NR2F1-AS1: variants seen among roughly 807,000 people sequenced by gnomAD.
NR2F1-AS1 encodes the protein NR2F1 regulatory antisense RNA 1, also known as NR2F1 antisense RNA 1.
intron 4 of NR2F1-AS1, among the ~76,000 whole-genome samples, chr5:93,533,351 G>A (rs1751771935): frequency 6.6e-6 from 1 of 151,904 alleles, no homozygotes; most frequent in South Asian, 2.1e-4. Flanking sequence ...GAATTTCCTA[G>A]CCGCACTCAA....
At chr5:93,545,111 G>A (rs926938160) in intron 4 of NR2F1-AS1, among the ~76,000 whole-genome samples, 7 of 152,042 alleles carry the variant, frequency 4.6e-5, no homozygotes, top group Non-Finnish European at 7.4e-5. Context: ...AGTTTAGCAG[G>A]GCCAGAAGCA....
intron 4 of NR2F1-AS1, among the ~76,000 whole-genome samples, chr5:93,474,085 A>G (rs189964008): frequency 6.6e-6 from 1 of 152,176 alleles, no homozygotes; most frequent in African/African-American, 2.4e-5. Context: ...AGGATTAACT[A>G]AATCAGTTGA....
intron 4 of NR2F1-AS1, among the ~76,000 whole-genome samples, chr5:93,494,711 T>C (rs972339716): frequency 2.6e-5 from 4 of 152,184 alleles, no homozygotes; most frequent in African/African-American, 9.7e-5. Flanking sequence ...GAAAACAGTT[T>C]GGCTGTTCCT....
At chr5:93,556,551 A>C (rs1373759899) in intron 2 of NR2F1-AS1, among the ~76,000 whole-genome samples, 1 of 152,190 alleles carries the variant, frequency 6.6e-6, no homozygotes, top group Non-Finnish European at 1.5e-5. Flanking sequence ...TGGAGACAGG[A>C]TCTTTGCAAA....
chr5:93,562,503 A>G (rs1026488201), intron 2 of NR2F1-AS1, among the ~76,000 whole-genome samples: 2 of 152,150 alleles, frequency 1.3e-5, no homozygotes, highest in Non-Finnish European at 2.9e-5. Context: ...CATGTTGCCC[A>G]GGCTAGTCTC....
chr5:93,480,190 C>T (rs1343131774), intron 4 of NR2F1-AS1, among the ~76,000 whole-genome samples: 1 of 142,200 alleles, frequency 7.0e-6, no homozygotes, highest in Non-Finnish European at 1.6e-5. Context: ...GCAAGACAAA[C>T]TCAATGAGAT....
intron 4 of NR2F1-AS1, chr5:93,544,810 C>G (rs1752038656): frequency 6.6e-6 from 1 of 151,100 alleles, no homozygotes; most frequent in South Asian, 2.1e-4. Context: ...ATCCCAGCTA[C>G]TCAGGAGGCT....
chr5:93,465,029 C>G (rs141380626), intron 4 of NR2F1-AS1, among the ~76,000 whole-genome samples: 6 of 152,128 alleles, frequency 3.9e-5, no homozygotes, highest in Non-Finnish European at 8.8e-5. Context: ...CCTAAGAATT[C>G]TCCTGACACC....
intron 4 of NR2F1-AS1, among the ~76,000 whole-genome samples, chr5:93,435,531 T>C (rs1349827365): frequency 6.6e-6 from 1 of 152,200 alleles, no homozygotes; most frequent in Non-Finnish European, 1.5e-5. Context: ...GAGAAGACAA[T>C]AAATGATAGT....
intron 4 of NR2F1-AS1, among the ~76,000 whole-genome samples, chr5:93,483,848 T>C (rs1356568676): frequency 6.6e-6 from 1 of 152,126 alleles, no homozygotes; most frequent in Non-Finnish European, 1.5e-5. Flanking sequence ...AGAAAGGATA[T>C]CAGAGATTGA....
intron 4 of NR2F1-AS1, among the ~76,000 whole-genome samples, chr5:93,420,964 A>G (rs926378809): frequency 3.9e-5 from 6 of 152,216 alleles, no homozygotes; most frequent in African/African-American, 1.4e-4. Context: ...TAGTATTGAT[A>G]TGTACATACT....
chr5:93,523,303 C>T (rs895567875), intron 4 of NR2F1-AS1, among the ~76,000 whole-genome samples: 1 of 152,186 alleles, frequency 6.6e-6, no homozygotes, highest in African/African-American at 2.4e-5. Flanking sequence ...TTCTGGATTC[C>T]TCCTCTCTGG....
chr5:93,443,099 G>A (rs1412130545), intron 4 of NR2F1-AS1, among the ~76,000 whole-genome samples: 2 of 152,228 alleles, frequency 1.3e-5, no homozygotes, highest in Non-Finnish European at 2.9e-5. Flanking sequence ...AGAAACCAGA[G>A]CAGAAAAGCT....
chr5:93,461,407 A>ATGATCTGTGCAGC (rs1273589527), intron 4 of NR2F1-AS1, among the ~76,000 whole-genome samples: 4 of 152,164 alleles, frequency 2.6e-5, no homozygotes, highest in African/African-American at 9.7e-5. Flanking sequence ...AGATGATGGG[A>ATGATCTGTGCAGC]TGATCTGTGC....
intron 2 of NR2F1-AS1, among the ~76,000 whole-genome samples, chr5:93,561,097 A>C (rs1752477140): frequency 6.6e-6 from 1 of 152,084 alleles, no homozygotes; most frequent in Non-Finnish European, 1.5e-5. Flanking sequence ...AACATGGAGA[A>C]ACTCCATCTC....
intron 4 of NR2F1-AS1, among the ~76,000 whole-genome samples, chr5:93,478,311 T>A (rs1456920329): frequency 6.6e-6 from 1 of 152,244 alleles, no homozygotes; most frequent in Non-Finnish European, 1.5e-5. Flanking sequence ...ATCAACATGA[T>A]CTGTCAATCC....
chr5:93,567,061 T>C (rs1487380750), intron 1 of NR2F1-AS1, among the ~76,000 whole-genome samples: 2 of 144,730 alleles, frequency 1.4e-5, no homozygotes, highest in Non-Finnish European at 3.0e-5. Context: ...TAAACAGTTC[T>C]ATTTCTATCA....
upstream of NR2F1-AS1, among the ~76,000 whole-genome samples, chr5:93,581,733 TCC>T (rs1230036471): frequency 3.9e-3 from 131 of 33,282 alleles, 10 homozygotes; most frequent in African/African-American, 0.019. Context: ...TCTCTCTCTC[TCC>T]CCCTCTCCCT....
At chr5:93,533,187 T>A (rs1359604244) in intron 4 of NR2F1-AS1, among the ~76,000 whole-genome samples, 5 of 152,224 alleles carry the variant, frequency 3.3e-5, no homozygotes, top group Admixed American at 3.3e-4. Flanking sequence ...TCCTTTAAAA[T>A]AATTAATTCT....
Sources: gnomAD v4.1 joint callset for allele counts (sites outside exome capture counted in the v4.1 genomes callset) on GRCh38, gnomAD v4.1.1 for gene constraint, MANE v1.5 for transcripts, NCBI Gene and HGNC (gene_info 2026-07-23, HGNC 2026-07-21) for gene names.